KIAA1958: variants seen among roughly 807,000 people sequenced by gnomAD.
KIAA1958 encodes the protein KIAA1958, also known as uncharacterized protein KIAA1958.
In KIAA1958, 14 loss-of-function variants were observed where a neutral mutation model predicts 47.2. The ratio of observed to expected loss-of-function variants is 0.30; its 90% CI spans 0.20 to 0.46. The LOEUF (loss-of-function observed/expected upper bound fraction) is 0.46. KIAA1958 is among the 20% of genes least tolerant of loss of function. KIAA1958 has a pLI of 1.00. For missense variants in KIAA1958, 803 were observed against 909.2 expected (o/e 0.88, Z 1.50); for synonymous variants, 354 against 353.3 (o/e 1.00, Z -0.02).
chr9:112,650,764 A>C (rs1039364937), intron 3 of KIAA1958, among the ~76,000 whole-genome samples: 3 of 152,204 alleles, frequency 2.0e-5, no homozygotes, highest in African/African-American at 7.2e-5. Context: ...ATTTTTTAAA[A>C]AAGCAAGGAC....
chr9:112,619,026 AAAATAT>A, intron 2 of KIAA1958: 5 of 1,144,304 alleles, frequency 4.4e-6, no homozygotes, highest in East Asian at 3.3e-5. Context: ...TCACTTTATA[AAAATAT>A]AAATATATAA....
chr9:112,530,456 T>C (rs1251860810), intron 1 of KIAA1958, among the ~76,000 whole-genome samples: 2 of 152,234 alleles, frequency 1.3e-5, no homozygotes, highest in Admixed American at 6.5e-5. Context: ...CCTCTGATTT[T>C]CTACAGAATT....
At chr9:112,508,422 A>G (rs1345043027) in intron 1 of KIAA1958, among the ~76,000 whole-genome samples, 1 of 152,276 alleles carries the variant, frequency 6.6e-6, no homozygotes, top group Non-Finnish European at 1.5e-5. Flanking sequence ...AAGGGAATAA[A>G]GAGGGAGAAT....
Position 112,524,355 on chromosome 9 carries a change from C to G in KIAA1958, c.-25+37237C>G, listed in dbSNP as rs113824951. Among the ~76,000 whole-genome samples, 21 of 152,364 alleles carry G rather than the reference C, an allele frequency of 1.4e-4. 2 individuals are homozygous for G. Among genetic ancestry groups the G allele is most frequent in the African/African-American group, 5.0e-4 (21 of 41,586 alleles). On this transcript the variant is annotated intron_variant, in intron 1 of 3. Transcript: ENST00000337530. ...TTTACAAATTCATGGCTTTGGCGTGCTCCGCGCTTGAAGGGGGTCTAGTTT... is the reference window on the plus strand; with the variant it reads ...TTTACAAATTCATGGCTTTGGCGTGGTCCGCGCTTGAAGGGGGTCTAGTTT...
At chr9:112,619,244 G>A (rs1352995870) in intron 2 of KIAA1958, 1 of 154,788 alleles carries the variant, frequency 6.5e-6, no homozygotes, top group South Asian at 2.1e-4. Flanking sequence ...GAAATTGAGA[G>A]TCATCCTAGA....
At position 112,663,132 on chromosome 9, in the gene KIAA1958, G is replaced by T. The variant is rs1227350277; in HGVS notation, c.*3063G>T. On this transcript the variant is annotated 3_prime_UTR_variant, in exon 4 of 4. Coordinates refer to ENST00000337530, the MANE Select transcript of KIAA1958 (RefSeq NM_133465.4). ...GCCCCTGGGCTCTGTGTCAAGGCTG[G>T]TGGTACTGTAGGTGTTATGAGAGGA... is the stretch of plus-strand genomic sequence containing the variant. The T allele has an allele frequency of 4.6e-5, 7 of 152,220 alleles. No homozygotes were observed. Among genetic ancestry groups the T allele is most frequent in the Non-Finnish European group, 1.0e-4 (7 of 68,066 alleles). 9.4% of individuals were successfully genotyped at this position (152,220 alleles called of 1,614,324 possible). A position where few individuals can be genotyped will look rare whatever the true frequency, so the allele number is the denominator to read the frequency against.
intron 1 of KIAA1958, among the ~76,000 whole-genome samples, chr9:112,491,471 G>A (rs1833967409): frequency 1.3e-5 from 2 of 151,692 alleles, no homozygotes. Context: ...CTCTCCTCTG[G>A]AAATCTATGG....
intron 2 of KIAA1958, among the ~76,000 whole-genome samples, chr9:112,615,278 G>C (rs1353573098): frequency 6.6e-6 from 1 of 151,988 alleles, no homozygotes. Flanking sequence ...AAATTAGCCA[G>C]GCATGATGGC....
At chr9:112,607,755 A>AAC (rs1836260735) in intron 2 of KIAA1958, among the ~76,000 whole-genome samples, 1 of 150,424 alleles carries the variant, frequency 6.6e-6, no homozygotes. Context: ...AAGACAAAAA[A>AAC]AAAAAAAAAA....
intron 1 of KIAA1958, among the ~76,000 whole-genome samples, chr9:112,500,634 A>G (rs1834118609): frequency 6.6e-6 from 1 of 152,140 alleles, no homozygotes; most frequent in Non-Finnish European, 1.5e-5. Context: ...CATCAAATAG[A>G]TATTTTATAG....
intron 2 of KIAA1958, among the ~76,000 whole-genome samples, chr9:112,586,650 T>G (rs919334203): frequency 2.0e-5 from 3 of 152,252 alleles, no homozygotes; most frequent in Non-Finnish European, 2.9e-5. Flanking sequence ...ATTTAAAGTT[T>G]GCCTGTGTAT....
At chr9:112,498,000 A>G (rs371821378) in intron 1 of KIAA1958, among the ~76,000 whole-genome samples, 3 of 152,182 alleles carry the variant, frequency 2.0e-5, no homozygotes, top group African/African-American at 7.2e-5. Flanking sequence ...AGAGTAAGAT[A>G]TGCAATAATC....
intron 2 of KIAA1958, among the ~76,000 whole-genome samples, chr9:112,583,944 G>A (rs1354356468): frequency 1.3e-5 from 2 of 152,024 alleles, no homozygotes; most frequent in Non-Finnish European, 2.9e-5. Context: ...CTGAGTGGTG[G>A]GCACTCAGCA....
At chr9:112,610,899 C>G (rs1191048985) in intron 2 of KIAA1958, among the ~76,000 whole-genome samples, 1 of 152,124 alleles carries the variant, frequency 6.6e-6, no homozygotes, top group African/African-American at 2.4e-5. Flanking sequence ...ATACCACAAG[C>G]AAGTGGGATT....
At chr9:112,585,200 T>A (rs1373417490) in intron 2 of KIAA1958, among the ~76,000 whole-genome samples, 1 of 152,112 alleles carries the variant, frequency 6.6e-6, no homozygotes, top group East Asian at 1.9e-4. Flanking sequence ...CTGGTGGAGA[T>A]AAAAAGAAGA....
At chr9:112,547,610 G>T (rs1835062635) in intron 1 of KIAA1958, among the ~76,000 whole-genome samples, 1 of 151,858 alleles carries the variant, frequency 6.6e-6, no homozygotes, top group South Asian at 2.1e-4. Context: ...ACTCTTTGTA[G>T]CAGTAAGATA....
intron 2 of KIAA1958, among the ~76,000 whole-genome samples, chr9:112,595,861 C>T (rs1836019142): frequency 6.6e-6 from 1 of 151,820 alleles, no homozygotes; most frequent in South Asian, 2.1e-4. Context: ...TCTCGGCTCA[C>T]CGCAACGTCC....
At chr9:112,601,877 G>C (rs1297566615) in intron 2 of KIAA1958, among the ~76,000 whole-genome samples, 1 of 152,170 alleles carries the variant, frequency 6.6e-6, no homozygotes, top group East Asian at 1.9e-4. Flanking sequence ...AGTGAAAAAT[G>C]CTATCAAGAA....
intron 2 of KIAA1958, among the ~76,000 whole-genome samples, chr9:112,622,000 C>T (rs969377859): frequency 6.6e-6 from 1 of 152,112 alleles, no homozygotes; most frequent in Non-Finnish European, 1.5e-5. Context: ...CCTTGGCCTC[C>T]CAAAGTGCTG....
Sources: allele counts gnomAD v4.1 joint callset (sites outside exome capture counted in the v4.1 genomes callset), GRCh38; gene constraint gnomAD v4.1.1; transcripts MANE v1.5; gene names NCBI Gene and HGNC (gene_info 2026-07-23, HGNC 2026-07-21).